MAP3K2: variants seen among roughly 807,000 people sequenced by gnomAD.
The protein encoded by MAP3K2 is MAP/ERK kinase kinase 2.
MAP3K2 carries 24 observed loss-of-function variants against 80.3 expected under a neutral mutation model. The observed-to-expected ratio is 0.30, with a 90% CI of 0.22 to 0.42. The LOEUF is 0.42. MAP3K2 is among the 10% of genes least tolerant of loss of function. The pLI is 1.00. For missense variants in MAP3K2, 608 were observed against 750.1 expected, an observed-to-expected ratio of 0.81 and a Z score of 2.21; for synonymous variants, 244 against 253.7, an observed-to-expected ratio of 0.96 and a Z score of 0.36.
At chr2:127,365,546 C>G (rs1415775863) in intron 1 of MAP3K2, among the ~76,000 whole-genome samples, 5 of 152,222 alleles carry the variant, frequency 3.3e-5, no homozygotes, top group Non-Finnish European at 5.9e-5. Flanking sequence ...CAGCTCTCCT[C>G]TGCTCTGTAT....
chr2:127,361,426 A>C (rs1686890147), intron 1 of MAP3K2, among the ~76,000 whole-genome samples: 1 of 152,190 alleles, frequency 6.6e-6, no homozygotes, highest in African/African-American at 2.4e-5. Context: ...TAAAAGAAAT[A>C]ATACTTCCAT....
intron 1 of MAP3K2, among the ~76,000 whole-genome samples, chr2:127,368,530 G>A (rs1316737949): frequency 1.3e-5 from 2 of 151,408 alleles, no homozygotes; most frequent in Non-Finnish European, 1.5e-5. Flanking sequence ...GCTGAGGCAG[G>A]AGAATGGCTT....
At position 127,304,632 on chromosome 2, in the gene MAP3K2, A is replaced by G. The variant is rs902913224; in HGVS notation, c.*2947T>C. 3.9e-5 allele frequency: 6 copies of G among 152,426 alleles called. No homozygotes were observed. The highest frequency in any genetic ancestry group is 1.4e-4 in the African/African-American group (6 of 41,426). 9.4% of individuals were successfully genotyped at this position (152,426 alleles called of 1,614,324 possible). On this transcript the variant is annotated 3_prime_UTR_variant, in exon 17 of 17. Coordinates refer to ENST00000682094, the MANE Select transcript of MAP3K2 (RefSeq NM_001371910.2). Reference sequence around the variant, plus strand: ...CAATTGTGCATTTAAGAAACAAAACACATTTAGAGTTATCTTAAAAAGTTC... The same window carrying G: ...CAATTGTGCATTTAAGAAACAAAACGCATTTAGAGTTATCTTAAAAAGTTC...
At position 127,326,843 on chromosome 2, in the gene MAP3K2, T is replaced by G. The variant is rs368023559; in HGVS notation, c.467-26A>C. 1.4e-5 allele frequency: 21 copies of G among 1,484,052 alleles called. No individual in the cohort carries two copies. The South Asian group carries it at 1.7e-4, about 12-fold the overall frequency. 91.9% of individuals were successfully genotyped at this position (1,484,052 alleles called of 1,614,324 possible). ...CTCAAGGAAGAAAAATAATGTAATT[T>G]ATAATTATAGGCAAGGGAATCAAGT... is the stretch of plus-strand genomic sequence containing the variant. On this transcript the variant is annotated intron_variant, in intron 7 of 16. Coordinates refer to ENST00000682094, the MANE Select transcript of MAP3K2 (RefSeq NM_001371910.2).
In MAP3K2 at chr2:127,330,494, T is replaced by C. The variant is rs917623096; in HGVS notation, c.276A>G (p.Pro92=). 4 of 1,588,166 alleles carry C rather than the reference T, an allele frequency of 2.5e-6. No individual in the cohort carries two copies. Among genetic ancestry groups the C allele is most frequent in the African/African-American group, 2.7e-5 (2 of 74,170 alleles). The change falls in exon 6 of 17, where the codon CCA becomes CCG. Residue 92 remains proline (P), a synonymous_variant. Coordinates refer to ENST00000682094, the MANE Select transcript of MAP3K2 (RefSeq NM_001371910.2). ...TGTCCAAGTCATCTTGAGTAGTTAA[T>C]GGAATTACCAACTAAAAACAAACAT... ...LHYTNNELVI[P]LTTQDDLDKA... is the part of the protein sequence containing the mutation.
Position 127,318,219 on chromosome 2 carries a change from A to G in MAP3K2, c.1144T>C (p.Leu382=), listed in dbSNP as rs1685946127. ...TCAAATTGAACTTGCTTAACAGCCA[A>G]TTCTCTTCCTGTATCAACATCATAA... ...LCYDVDTGRE[L]AVKQVQFDPD... The change falls in exon 13 of 17, where the codon TTG becomes CTG. Residue 382 remains leucine (L), a synonymous_variant. Coordinates refer to ENST00000682094, the MANE Select transcript of MAP3K2 (RefSeq NM_001371910.2). 9 of 1,611,852 alleles carry G rather than the reference A, an allele frequency of 5.6e-6. No individual in the cohort carries two copies. Among genetic ancestry groups the G allele is most frequent in the Non-Finnish European group, 6.8e-6 (8 of 1,179,086 alleles).
At chr2:127,363,535 C>G (rs758632369) in intron 1 of MAP3K2, among the ~76,000 whole-genome samples, 2 of 152,124 alleles carry the variant, frequency 1.3e-5, no homozygotes, top group Non-Finnish European at 2.9e-5. Context: ...ACTTCTCAGT[C>G]AGAATTCTGA....
chr2:127,347,737 T>C (rs749034114), intron 1 of MAP3K2, among the ~76,000 whole-genome samples: 10 of 152,078 alleles, frequency 6.6e-5, no homozygotes, highest in Non-Finnish European at 1.2e-4. Flanking sequence ...GGAAAACTGA[T>C]CCTTAAATTC....
At position 127,298,973 on chromosome 2, in the gene MAP3K2, G is replaced by C. The variant is rs1036539177; in HGVS notation, c.*8606C>G. ...TTTTTTAAAAAAAAGCTATTTACCA[G>C]CAAGAAAAAACAAGTACCTAGAAAT... On this transcript the variant is annotated 3_prime_UTR_variant, in exon 17 of 17. Transcript: ENST00000682094. 1 of 151,660 alleles carries C rather than the reference G, an allele frequency of 6.6e-6. No individual in the cohort carries two copies. The highest frequency in any genetic ancestry group is 1.5e-5 in the Non-Finnish European group (1 of 67,940). 9.4% of individuals were successfully genotyped at this position (151,660 alleles called of 1,614,324 possible).
At chr2:127,319,744 C>T (rs145603939) in intron 12 of MAP3K2, among the ~76,000 whole-genome samples, 2,070 of 147,190 alleles carry the variant, frequency 0.014, 44 homozygotes, top group African/African-American at 0.05. Flanking sequence ...GAGGCTGATG[C>T]GGGAGAATCG....
At position 127,321,941 on chromosome 2, in the gene MAP3K2, GT is replaced by G; in HGVS notation, c.1045+104del. The G allele has an allele frequency of 2.1e-6, 2 of 944,704 alleles. No individual in the cohort carries two copies. Among genetic ancestry groups the G allele is most frequent in the Non-Finnish European group, 3.3e-6 (2 of 614,532 alleles). 58.5% of individuals were successfully genotyped at this position (944,704 alleles called of 1,614,324 possible). ...ACACCATTATTACCTTTTTTGAGTA[GT>G]TCATCTGACCCCAAAAACTCACTTA... On this transcript the variant is annotated intron_variant, in intron 12 of 16. Transcript: ENST00000682094. The surrounding 1 kb of genome is among the most constrained non-coding windows in gnomAD (Gnocchi z 4.4).
chr2:127,388,460 TAGA>T, upstream of MAP3K2: 1 of 961,232 alleles, frequency 1.0e-6, no homozygotes, highest in Non-Finnish European at 1.2e-6. Flanking sequence ...TGAGGGACTT[TAGA>T]AATTACTTCA....
At position 127,307,877 on chromosome 2, in the gene MAP3K2, A is replaced by G; in HGVS notation, c.1635-73T>C. The G allele has an allele frequency of 1.0e-6, 1 of 983,068 alleles. No individual in the cohort carries two copies. The highest frequency in any genetic ancestry group is 2.4e-5 in the Admixed American group (1 of 42,520). The allele number at this position is 983,068 out of a possible 1,614,324, so 60.9% of individuals were successfully genotyped here. A position where few individuals can be genotyped will look rare whatever the true frequency, so the allele number is the denominator to read the frequency against. Reference sequence around the variant, plus strand: ...GAAAGCTAGTTAGCTAGAAAATGAGAAACAGGCATTAAGTCCATATATATT... The same window carrying G: ...GAAAGCTAGTTAGCTAGAAAATGAGGAACAGGCATTAAGTCCATATATATT... On this transcript the variant is annotated intron_variant, in intron 16 of 16. Transcript: ENST00000682094. The surrounding 1 kb of genome is among the most constrained non-coding windows in gnomAD (Gnocchi z 5.4).
chr2:127,335,765 A>C, intron 5 of MAP3K2, 105 bp downstream of exon 5: 1 of 591,836 alleles, frequency 1.7e-6, no homozygotes, highest in South Asian at 2.7e-5. Context: ...CATACCATAT[A>C]TTTATCAATC....
rs577999718 is a variant in MAP3K2, at chr2:127,318,583, T to A, written c.1046-266A>T. 2.6e-5 allele frequency among the ~76,000 whole-genome samples: 4 copies of A among 152,212 alleles called. No individual in the cohort carries two copies. The South Asian group carries it at 8.3e-4, about 32-fold the overall frequency. ...TTTCCTAATTACACATGTGACAGCA[T>A]CTTTCTTTCACTCAATCTAACATTC... On this transcript the variant is annotated intron_variant, in intron 12 of 16. Transcript: ENST00000682094.
At position 127,318,306 on chromosome 2, in the gene MAP3K2, G is replaced by C. The variant is rs1299732815; in HGVS notation, c.1057C>G (p.Pro353Ala). 6.3e-7 allele frequency: 1 copy of C among 1,589,468 alleles called. No individual in the cohort carries two copies. Among genetic ancestry groups the C allele is most frequent in the Non-Finnish European group, 8.5e-7 (1 of 1,171,296 alleles). Residue 353 changes from proline to alanine, a missense_variant, in exon 13 of 17, where the codon CCG (proline) becomes GCG (alanine). Pro to Ala is a conservative substitution (Grantham distance 27). Around this residue, in one of 4 missense-constraint regions of MAP3K2, gnomAD observed 467 missense variants for 521.9 expected, o/e 0.89. Transcript: ENST00000682094. ...AGTTTGCCCAATCTCCAGTTGGTCG[G>C]AGCTCGAGGTGCTGAAAAAGAACAC... Reference protein sequence around the residue: ...ISPPSRSPRAPTNWRLGKLLG... With the variant: ...ISPPSRSPRAATNWRLGKLLG...
intron 1 of MAP3K2, among the ~76,000 whole-genome samples, chr2:127,359,530 C>T (rs540052641): frequency 1.2e-4 from 19 of 152,316 alleles, no homozygotes; most frequent in Middle Eastern, 3.4e-3. Context: ...ACAATCACTT[C>T]AGAAATGTTC....
chr2:127,381,412 T>C (rs1057349127), intron 1 of MAP3K2, among the ~76,000 whole-genome samples: 12 of 152,244 alleles, frequency 7.9e-5, no homozygotes, highest in Non-Finnish European at 1.8e-4. Flanking sequence ...CCAGGTTTCT[T>C]ATAAAATTCG....
chr2:127,385,940 G>T (rs1249042738), intron 1 of MAP3K2, among the ~76,000 whole-genome samples: 1 of 152,096 alleles, frequency 6.6e-6, no homozygotes, highest in Non-Finnish European at 1.5e-5. Context: ...CTCAAAAGAG[G>T]CACATGGATA....
Sources: allele counts gnomAD v4.1 joint callset (sites outside exome capture counted in the v4.1 genomes callset), GRCh38; gene constraint gnomAD v4.1.1; regional missense constraint gnomAD v4.1.1; non-coding constraint Gnocchi (gnomAD v3.1); transcripts MANE v1.5; gene names NCBI Gene and HGNC (gene_info 2026-07-23, HGNC 2026-07-21).